MEIS2: variants seen among roughly 807,000 people sequenced by gnomAD.
MEIS2 encodes Meis homeobox 2, also known as homeobox protein Meis2.
In MEIS2, 9 loss-of-function variants were observed where a neutral mutation model predicts 58.6. The observed-to-expected ratio is 0.15, with a 90% CI of 0.09 to 0.27. The LOEUF (loss-of-function observed/expected upper bound fraction) is 0.27, where lower values mean the gene tolerates loss of function less well. Among genes scored for constraint, MEIS2 ranks in the 10% least tolerant of loss-of-function variants. The probability of loss-of-function intolerance (pLI) is 1.00; values close to 1 mark genes in which losing one functional copy is unlikely to be tolerated. For missense variants in MEIS2, 427 were observed against 635.0 expected (o/e 0.67, Z 3.52); for synonymous variants, 221 against 228.4 (o/e 0.97, Z 0.29).
chr15:37,058,979 A>T (rs1469958399), intron 7 of MEIS2, among the ~76,000 whole-genome samples: 2 of 152,264 alleles, frequency 1.3e-5, no homozygotes, highest in East Asian at 3.8e-4. Context: ...GTTCTGTAAG[A>T]ATCATTAAAA....
At chr15:37,016,696 TTAAAACAGCTACACATTA>T (rs1282097231) in intron 8 of MEIS2, among the ~76,000 whole-genome samples, 2 of 152,180 alleles carry the variant, frequency 1.3e-5, no homozygotes, top group African/African-American at 4.8e-5. Context: ...TCACTTATAC[TTAAAACAGCTACACATTA>T]TAAAACAGCT....
intron 8 of MEIS2, among the ~76,000 whole-genome samples, chr15:36,982,165 ATTGGT>A (rs553271083): frequency 2.0e-4 from 30 of 152,196 alleles, no homozygotes; most frequent in Non-Finnish European, 3.4e-4. Flanking sequence ...TCTATATCCT[ATTGGT>A]TCTGTTTCTC....
At chr15:36,994,600 A>G (rs559500816) in intron 8 of MEIS2, among the ~76,000 whole-genome samples, 53 of 152,306 alleles carry the variant, frequency 3.5e-4, no homozygotes, top group African/African-American at 1.2e-3. Flanking sequence ...TAGATCCTAC[A>G]TGGTTTTTCA....
chr15:36,939,259 G>A (rs1262150635), intron 9 of MEIS2, among the ~76,000 whole-genome samples: 1 of 152,096 alleles, frequency 6.6e-6, no homozygotes, highest in African/African-American at 2.4e-5. Context: ...CCAACGAAAA[G>A]TTATGCATAC....
At chr15:37,007,121 A>G (rs759861313) in intron 8 of MEIS2, among the ~76,000 whole-genome samples, 38 of 152,178 alleles carry the variant, frequency 2.5e-4, no homozygotes, top group Non-Finnish European at 4.4e-4. Flanking sequence ...CATCCTTCCA[A>G]CTTTAAGGAT....
At chr15:37,057,649 AAAATAAAT>A (rs138007500) in intron 7 of MEIS2, among the ~76,000 whole-genome samples, 2 of 151,748 alleles carry the variant, frequency 1.3e-5, no homozygotes, top group Admixed American at 6.6e-5. Flanking sequence ...TGGAACTGAA[AAAATAAAT>A]AAATAAATAA....
In MEIS2 at chr15:37,069,618, C is replaced by T. The variant is rs1437446871; in HGVS notation, c.754+14153G>A. On this transcript the variant is annotated intron_variant, in intron 7 of 11. Coordinates refer to ENST00000561208, the MANE Select transcript of MEIS2 (RefSeq NM_170675.5). ...TACTGAGGGGTAGAATGTAGGAATG[C>T]AGAAGAGTTTCACCTCACTTGATAA... 2.6e-5 allele frequency among the ~76,000 whole-genome samples: 4 copies of T among 152,240 alleles called. No individual in the cohort carries two copies. In the East Asian group the frequency reaches 7.7e-4, roughly 29 times the overall value.
chr15:36,962,950 CAT>C (rs943048038), intron 8 of MEIS2, among the ~76,000 whole-genome samples: 2 of 152,152 alleles, frequency 1.3e-5, no homozygotes, highest in African/African-American at 2.4e-5. Flanking sequence ...TAAATGAAGA[CAT>C]TTACTGACAG....
chr15:37,061,482 T>C (rs1889210194), intron 7 of MEIS2, among the ~76,000 whole-genome samples: 1 of 152,206 alleles, frequency 6.6e-6, no homozygotes, highest in African/African-American at 2.4e-5. Flanking sequence ...TATAGGTCTT[T>C]AGGGTAAAAT....
chr15:36,942,035 C>A (rs1053070720), intron 9 of MEIS2, among the ~76,000 whole-genome samples: 12 of 152,096 alleles, frequency 7.9e-5, no homozygotes, highest in African/African-American at 2.7e-4. Context: ...TAAAGTGTAT[C>A]TAGAGACACA....
At chr15:37,025,929 G>T (rs1253086332) in intron 8 of MEIS2, among the ~76,000 whole-genome samples, 1 of 152,052 alleles carries the variant, frequency 6.6e-6, no homozygotes, top group Non-Finnish European at 1.5e-5. Flanking sequence ...GTGCCATCAG[G>T]TAATCCATGA....
chr15:37,038,908 A>G (rs1366491682), intron 7 of MEIS2, among the ~76,000 whole-genome samples: 3 of 152,184 alleles, frequency 2.0e-5, no homozygotes, highest in Non-Finnish European at 4.4e-5. Flanking sequence ...GCTGCAAGGC[A>G]AATTCTCACC....
At chr15:36,976,294 CAG>C (rs1334369399) in intron 8 of MEIS2, among the ~76,000 whole-genome samples, 1 of 151,836 alleles carries the variant, frequency 6.6e-6, no homozygotes, top group Non-Finnish European at 1.5e-5. Context: ...CCATGTTGGC[CAG>C]GCTGGTCTCG....
At chr15:36,943,076 G>A (rs1595775507) in intron 9 of MEIS2, among the ~76,000 whole-genome samples, 1 of 152,048 alleles carries the variant, frequency 6.6e-6, no homozygotes, top group Non-Finnish European at 1.5e-5. Flanking sequence ...ATCCATCTGT[G>A]ACTGGGGCTA....
Position 36,892,207 on chromosome 15 carries a change from A to C in MEIS2, c.1400T>G (p.Val467Gly). Residue 467 changes from valine (V) to glycine (G), a missense_variant, in exon 12 of 12, where the codon GTT (valine) becomes GGT (glycine). Val to Gly is a moderately radical substitution (Grantham distance 109). Transcript: ENST00000561208. ...PTMLNSVDPN[V>G]GGQVMDIHAQ ...ATGAATGTCCATAACCTGTCCGCCAACATTGGGATCTACAGAATTTAACAT... is the reference window on the plus strand; with the variant it reads ...ATGAATGTCCATAACCTGTCCGCCACCATTGGGATCTACAGAATTTAACAT... 1 of 1,614,226 alleles carries C rather than the reference A, an allele frequency of 6.2e-7. No individual in the cohort carries two copies. Among genetic ancestry groups the C allele is most frequent in the Non-Finnish European group, 8.5e-7 (1 of 1,180,048 alleles).
chr15:37,078,337 C>T (rs1409924938), intron 7 of MEIS2, among the ~76,000 whole-genome samples: 2 of 151,158 alleles, frequency 1.3e-5, no homozygotes, highest in African/African-American at 4.9e-5. Context: ...TCTCCACTGT[C>T]AAGCTTTTCT....
At chr15:36,900,750 G>A (rs1416818985) in intron 9 of MEIS2, among the ~76,000 whole-genome samples, 1 of 152,108 alleles carries the variant, frequency 6.6e-6, no homozygotes, top group African/African-American at 2.4e-5. Context: ...ACTGAACTCT[G>A]ACCATCATGA....
chr15:36,920,231 C>T (rs2057447975), intron 9 of MEIS2, among the ~76,000 whole-genome samples: 1 of 152,112 alleles, frequency 6.6e-6, no homozygotes, highest in African/African-American at 2.4e-5. Context: ...CTCACCGCAA[C>T]CTCCACCTCC....
chr15:36,941,196 T>A (rs991438888), intron 9 of MEIS2, among the ~76,000 whole-genome samples: 1 of 152,150 alleles, frequency 6.6e-6, no homozygotes, highest in African/African-American at 2.4e-5. Flanking sequence ...ATTTAGTAAC[T>A]CACGGCTAAG....
Sources: allele counts gnomAD v4.1 joint callset (sites outside exome capture counted in the v4.1 genomes callset), GRCh38; gene constraint gnomAD v4.1.1; transcripts MANE v1.5; gene names NCBI Gene and HGNC (gene_info 2026-07-23, HGNC 2026-07-21).